The following EPB41L3 variants were observed in gnomAD, a reference collection of about 807,000 sequenced individuals.
EPB41L3 encodes erythrocyte membrane protein band 4.1 like 3.
Under a neutral mutation model 127.1 loss-of-function variants are expected in EPB41L3, and 57 were observed. That is an observed-to-expected ratio of 0.45 (90% CI 0.36 to 0.56). The LOEUF is 0.56. EPB41L3 is among the 20% of genes least tolerant of loss of function. The pLI is 0.00. For synonymous variants in EPB41L3, 572 were observed against 549.5 expected (o/e 1.04, Z -0.57); for missense variants, 1,273 against 1,372.2 (o/e 0.93, Z 1.14).
At chr18:5,500,222 A>C (rs868509804) in intron 1 of EPB41L3, among the ~76,000 whole-genome samples, 4 of 152,206 alleles carry the variant, frequency 2.6e-5, no homozygotes, top group Non-Finnish European at 4.4e-5. Flanking sequence ...AGAGAGAAAA[A>C]GGTAGCATAT....
At chr18:5,532,261 A>G (rs1261532525) in intron 1 of EPB41L3, among the ~76,000 whole-genome samples, 4 of 152,208 alleles carry the variant, frequency 2.6e-5, no homozygotes, top group Non-Finnish European at 5.9e-5. Flanking sequence ...TTTACTACTC[A>G]TCCCCTTGTT....
At chr18:5,480,168 T>A (rs1014772137) in intron 2 of EPB41L3, 2 of 152,212 alleles carry the variant, frequency 1.3e-5, no homozygotes, top group African/African-American at 4.8e-5. Flanking sequence ...TGGGTTACTT[T>A]AAATGTCAAT....
At position 5,610,061 on chromosome 18, in the gene EPB41L3, C is replaced by T. The variant is rs968861334; in HGVS notation, c.-306+2279G>A. ...GGCACTGGGATGCTGAAGATAGTTT[C>T]CCATCAAACGATTCATCTGACAGTT... On this transcript the variant is annotated intron_variant, in intron 3 of 21. Coordinates refer to the EPB41L3 transcript ENST00000545076. The T allele has an allele frequency of 1.2e-5, 12 of 978,890 alleles. No individual in the cohort carries two copies. The Admixed American group carries it at 1.8e-4, about 15-fold the overall frequency. 60.6% of individuals were successfully genotyped at this position (978,890 alleles called of 1,614,324 possible).
chr18:5,423,316 A>T lies in EPB41L3; in HGVS notation c.1339+62T>A. On this transcript the variant is annotated intron_variant, in intron 11 of 22. Coordinates refer to ENST00000341928, the MANE Select transcript of EPB41L3 (RefSeq NM_012307.5). ...TATCTATACTTACTGAAAGCTCATG[A>T]CAGTTTCACATTCTTTTTGGGGTAG... 3 of 1,454,380 alleles carry T rather than the reference A, an allele frequency of 2.1e-6. No homozygotes were observed. In the South Asian group the frequency reaches 4.6e-5, roughly 22 times the overall value. The allele number at this position is 1,454,380 out of a possible 1,614,324, so 90.1% of individuals were successfully genotyped here. A position where few individuals can be genotyped will look rare whatever the true frequency, so the allele number is the denominator to read the frequency against.
At chr18:5,559,561 A>G (rs1173376785) in intron 3 of EPB41L3, among the ~76,000 whole-genome samples, 1 of 152,228 alleles carries the variant, frequency 6.6e-6, no homozygotes, top group South Asian at 2.1e-4. Flanking sequence ...CTCTTATCCA[A>G]TCACCTTGGA....
chr18:5,439,228 C>T (rs1456631440), intron 5 of EPB41L3, among the ~76,000 whole-genome samples: 2 of 152,046 alleles, frequency 1.3e-5, no homozygotes, highest in African/African-American at 2.4e-5. Flanking sequence ...CCTCACCCAG[C>T]GGCCACCGAC....
chr18:5,560,109 C>G (rs1331467421), intron 3 of EPB41L3, among the ~76,000 whole-genome samples: 1 of 152,204 alleles, frequency 6.6e-6, no homozygotes, highest in Non-Finnish European at 1.5e-5. Context: ...TACAAGTCCT[C>G]TCAAAATTCG....
intron 1 of EPB41L3, among the ~76,000 whole-genome samples, chr18:5,516,782 G>A (rs1403020481): frequency 6.6e-6 from 1 of 152,154 alleles, no homozygotes; most frequent in Non-Finnish European, 1.5e-5. Context: ...GTTGATAACT[G>A]CACACAAAAT....
intron 6 of EPB41L3, among the ~76,000 whole-genome samples, chr18:5,436,756 A>G (rs1274991673): frequency 6.6e-6 from 1 of 152,186 alleles, no homozygotes; most frequent in Non-Finnish European, 1.5e-5. Flanking sequence ...CTCTAAAACC[A>G]CAAATTAGCC....
chr18:5,479,365 C>T (rs2087936419), intron 2 of EPB41L3, among the ~76,000 whole-genome samples: 2 of 152,240 alleles, frequency 1.3e-5, no homozygotes. Context: ...TTGAAATAAG[C>T]ATGGCATTTC....
At chr18:5,584,637 A>C (rs1029455810) in intron 3 of EPB41L3, among the ~76,000 whole-genome samples, 3 of 152,222 alleles carry the variant, frequency 2.0e-5, no homozygotes, top group Non-Finnish European at 2.9e-5. Context: ...ACTAAACAAA[A>C]AGATAAAAGG....
At chr18:5,450,202 G>A (rs953713708) in intron 3 of EPB41L3, among the ~76,000 whole-genome samples, 11 of 152,054 alleles carry the variant, frequency 7.2e-5, no homozygotes, top group South Asian at 2.1e-4. Flanking sequence ...ATGAATAGGC[G>A]GCTAACAGGG....
intron 2 of EPB41L3, among the ~76,000 whole-genome samples, chr18:5,480,727 G>GAC (rs1346073778): frequency 6.6e-6 from 1 of 152,148 alleles, no homozygotes; most frequent in Non-Finnish European, 1.5e-5. Context: ...GAAGAGACAG[G>GAC]ACTTCAAGGT....
intron 3 of EPB41L3, among the ~76,000 whole-genome samples, chr18:5,564,638 G>C (rs1174765218): frequency 6.6e-6 from 1 of 152,112 alleles, no homozygotes; most frequent in Non-Finnish European, 1.5e-5. Context: ...AGGAAGATGA[G>C]CTCATTTATC....
chr18:5,489,120 C>A lies in EPB41L3; in HGVS notation c.64G>T (p.Ala22Ser). 6.3e-7 allele frequency: 1 copy of A among 1,594,786 alleles called. No individual in the cohort carries two copies. Among genetic ancestry groups the A allele is most frequent in the Non-Finnish European group, 8.5e-7 (1 of 1,174,832 alleles). The change falls in exon 2 of 23, where the codon GCG becomes TCG. Residue 22 changes from alanine (A) to serine (S), a missense_variant. Coordinates refer to ENST00000341928, the MANE Select transcript of EPB41L3 (RefSeq NM_012307.5). ...KPDQEAEPQE[A>S]AGAQGRAGAP... ...CCCGCGCGCCCCTGCGCCCCCGCCG[C>A]CTCCTGGGGCTCGGCCTCCTGGTCC...
intron 3 of EPB41L3, among the ~76,000 whole-genome samples, chr18:5,606,649 T>C (rs1381724224): frequency 2.6e-5 from 4 of 152,196 alleles, no homozygotes; most frequent in Admixed American, 2.6e-4. Context: ...TAATACAATA[T>C]AAATATTTGA....
At chr18:5,529,578 G>A (rs147918751) in intron 1 of EPB41L3, among the ~76,000 whole-genome samples, 29 of 152,264 alleles carry the variant, frequency 1.9e-4, no homozygotes, top group Middle Eastern at 3.4e-3. Context: ...CAACATCAGC[G>A]TGGCTAAATG....
intron 1 of EPB41L3, among the ~76,000 whole-genome samples, chr18:5,618,666 G>A (rs1732248291): frequency 6.6e-6 from 1 of 152,102 alleles, no homozygotes; most frequent in Non-Finnish European, 1.5e-5. Context: ...AATTCAATGT[G>A]TATCTTTGTG....
chr18:5,411,354 A>T (rs907953224), intron 13 of EPB41L3, among the ~76,000 whole-genome samples: 1 of 152,252 alleles, frequency 6.6e-6, no homozygotes, highest in East Asian at 1.9e-4. Context: ...ATACCATTCA[A>T]ATGAAGCAAA....
Sources: allele counts gnomAD v4.1 joint callset (sites outside exome capture counted in the v4.1 genomes callset), GRCh38; gene constraint gnomAD v4.1.1; transcripts MANE v1.5; gene names NCBI Gene and HGNC (gene_info 2026-07-23, HGNC 2026-07-21).